WWOX: variants seen among roughly 807,000 people sequenced by gnomAD.
WWOX encodes WW domain-containing oxidoreductase.
Under a neutral mutation model 46.2 loss-of-function variants are expected in WWOX, and 69 were observed. The observed-to-expected ratio is 1.49, with a 90% CI of 1.23 to 1.82. WWOX has a LOEUF of 1.82. Among genes scored for constraint, WWOX ranks in the 40% most tolerant of loss-of-function variants. The probability of loss-of-function intolerance (pLI) is 0.00; values close to 1 mark genes in which losing one functional copy is unlikely to be tolerated. For missense variants in WWOX, 919 were observed against 542.6 expected, an observed-to-expected ratio of 1.69 and a Z score of -6.89; for synonymous variants, 359 against 202.6, an observed-to-expected ratio of 1.77 and a Z score of -6.56.
intron 8 of WWOX, among the ~76,000 whole-genome samples, chr16:78,563,420 G>A (rs79652794): frequency 0.029 from 4,381 of 150,594 alleles, 89 homozygotes; most frequent in Non-Finnish European, 0.043. Context: ...GCCAAAAATT[G>A]AACAATAACA....
chr16:78,708,335 G>C (rs780683862), intron 8 of WWOX, among the ~76,000 whole-genome samples: 1 of 152,066 alleles, frequency 6.6e-6, no homozygotes, highest in African/African-American at 2.4e-5. Context: ...GAAATGATTT[G>C]TTGTTTATGT....
intron 8 of WWOX, among the ~76,000 whole-genome samples, chr16:79,210,623 A>C (rs1479528658): frequency 6.6e-6 from 1 of 152,186 alleles, no homozygotes; most frequent in East Asian, 1.9e-4. Context: ...GAAACACATA[A>C]ATAATCATAA....
At chr16:78,115,474 A>G (rs2032732401) in intron 4 of WWOX, among the ~76,000 whole-genome samples, 1 of 152,192 alleles carries the variant, frequency 6.6e-6, no homozygotes, top group South Asian at 2.1e-4. Flanking sequence ...GCATATTCCA[A>G]TTACCTGGGT....
At chr16:78,401,617 C>T (rs970422883) in intron 6 of WWOX, among the ~76,000 whole-genome samples, 2 of 151,940 alleles carry the variant, frequency 1.3e-5, no homozygotes, top group South Asian at 2.1e-4. Context: ...GGCTACTTAA[C>T]GCATTTTGAG....
intron 8 of WWOX, among the ~76,000 whole-genome samples, chr16:78,961,432 G>C (rs999488190): frequency 5.3e-5 from 8 of 152,076 alleles, no homozygotes; most frequent in African/African-American, 1.9e-4. Context: ...ATAGCTATGG[G>C]ATACATGGAT....
At chr16:78,427,970 A>T (rs1003581440) in intron 7 of WWOX, among the ~76,000 whole-genome samples, 2 of 152,132 alleles carry the variant, frequency 1.3e-5, no homozygotes, top group Non-Finnish European at 2.9e-5. Flanking sequence ...TGGGAGGCTG[A>T]GGCAGGAGAA....
chr16:78,853,800 G>C (rs778063536), intron 8 of WWOX, among the ~76,000 whole-genome samples: 4 of 152,044 alleles, frequency 2.6e-5, no homozygotes, highest in Non-Finnish European at 5.9e-5. Context: ...GATGCCATAA[G>C]CAGTCCTTGT....
intron 8 of WWOX, among the ~76,000 whole-genome samples, chr16:78,580,954 C>T (rs148561589): frequency 0.014 from 2,205 of 152,240 alleles, 37 homozygotes; most frequent in African/African-American, 0.038. Flanking sequence ...TCTGTGAACC[C>T]TTCGCAAAGA....
intron 8 of WWOX, among the ~76,000 whole-genome samples, chr16:79,028,349 A>G (rs1232129990): frequency 6.6e-6 from 1 of 151,864 alleles, no homozygotes; most frequent in African/African-American, 2.4e-5. Context: ...ATCGTTAGGC[A>G]TGTTCAAAAT....
At chr16:78,624,992 C>G (rs563688464) in intron 8 of WWOX, among the ~76,000 whole-genome samples, 12 of 152,258 alleles carry the variant, frequency 7.9e-5, no homozygotes, top group African/African-American at 2.9e-4. Context: ...TCCCCGCTGA[C>G]CCTGAGTTCT....
At chr16:78,908,652 G>A (rs922105578) in intron 8 of WWOX, among the ~76,000 whole-genome samples, 1 of 152,080 alleles carries the variant, frequency 6.6e-6, no homozygotes, top group Non-Finnish European at 1.5e-5. Flanking sequence ...TTTTTAAGGA[G>A]AATTTAGTGA....
intron 5 of WWOX, among the ~76,000 whole-genome samples, chr16:78,334,337 C>A (rs781739843): frequency 6.6e-6 from 1 of 152,062 alleles, no homozygotes; most frequent in Non-Finnish European, 1.5e-5. Context: ...TTTAATAGAC[C>A]AAGCAAAAAG....
intron 8 of WWOX, among the ~76,000 whole-genome samples, chr16:78,947,926 G>GA (rs2045980579): frequency 6.6e-6 from 1 of 152,064 alleles, no homozygotes; most frequent in Non-Finnish European, 1.5e-5. Flanking sequence ...TTATGTCATT[G>GA]AAAAAAACAC....
intron 8 of WWOX, among the ~76,000 whole-genome samples, chr16:78,821,288 G>A (rs2051485597): frequency 6.6e-6 from 1 of 152,124 alleles, no homozygotes; most frequent in African/African-American, 2.4e-5. Context: ...GCACAGGCTT[G>A]CCCCAGGTTA....
chr16:78,405,999 C>T (rs1472536246), intron 6 of WWOX, among the ~76,000 whole-genome samples: 1 of 152,008 alleles, frequency 6.6e-6, no homozygotes, highest in Admixed American at 6.6e-5. Flanking sequence ...TATTCTTTAA[C>T]TGGGGATCAT....
At chr16:78,156,336 C>T (rs943790064) in intron 4 of WWOX, among the ~76,000 whole-genome samples, 4 of 152,182 alleles carry the variant, frequency 2.6e-5, no homozygotes, top group Non-Finnish European at 4.4e-5. Flanking sequence ...AGAAAAACGG[C>T]GTGCTTTTCC....
Position 78,264,012 on chromosome 16 carries a change from TTTTG to T in WWOX, c.516+99727_516+99730del, listed in dbSNP as rs1452213901. Among the ~76,000 whole-genome samples, 89 of 140,138 alleles carry T rather than the reference TTTTG, an allele frequency of 6.4e-4. 8 individuals carry two copies. The highest frequency in any genetic ancestry group is 1.2e-3 in the African/African-American group (44 of 36,982). 91.9% of individuals were successfully genotyped at this position (140,138 alleles called of 152,430 possible). On this transcript the variant is annotated intron_variant, in intron 5 of 8. Coordinates refer to ENST00000566780, the MANE Select transcript of WWOX (RefSeq NM_016373.4). ...CTGTGAAATCTTTTTTTTTTTTTTT[TTTTG>T]TTTTTTTGCTGTGGAGCGCAAAATG...
chr16:78,378,173 G>T (rs2081873787), intron 5 of WWOX, among the ~76,000 whole-genome samples: 1 of 151,976 alleles, frequency 6.6e-6, no homozygotes, highest in African/African-American at 2.4e-5. Context: ...ATCATTTTTG[G>T]TGTGGTTCTG....
intron 6 of WWOX, among the ~76,000 whole-genome samples, chr16:78,410,785 G>A (rs1448300048): frequency 1.6e-5 from 2 of 127,832 alleles, no homozygotes; most frequent in East Asian, 4.4e-4. Flanking sequence ...CAGCCTGGGT[G>A]AAAGAGCAAG....
Sources: allele counts gnomAD v4.1 joint callset (sites outside exome capture counted in the v4.1 genomes callset), GRCh38; gene constraint gnomAD v4.1.1; transcripts MANE v1.5; gene names NCBI Gene and HGNC (gene_info 2026-07-23, HGNC 2026-07-21).